Variants in PPP4R2 observed in about 807,000 individuals in gnomAD.
PPP4R2 encodes serine/threonine-protein phosphatase 4 regulatory subunit 2.
A neutral mutation model predicts 47.2 loss-of-function variants in PPP4R2; 13 were observed. That is an observed-to-expected ratio of 0.28 (90% CI 0.18 to 0.44). PPP4R2 has a LOEUF of 0.44. Ranked by LOEUF, PPP4R2 falls within the 20% of genes least tolerant of loss-of-function variation. The probability of loss-of-function intolerance (pLI) is 1.00; values close to 1 mark genes in which losing one functional copy is unlikely to be tolerated. For missense variants in PPP4R2, 421 were observed against 491.2 expected, an observed-to-expected ratio of 0.86 and a Z score of 1.35; for synonymous variants, 151 against 163.3, an observed-to-expected ratio of 0.92 and a Z score of 0.57.
chr3:73,065,584 T>TGAAAC lies in PPP4R2; in HGVS notation c.1116_1117insGAAAC (p.Ser373GlufsTer13). 6.2e-7 allele frequency: 1 copy of TGAAAC among 1,613,702 alleles called. No homozygotes were observed. Among genetic ancestry groups the TGAAAC allele is most frequent in the Non-Finnish European group, 8.5e-7 (1 of 1,179,726 alleles). On this transcript the variant is annotated frameshift_variant, in exon 9 of 9. Coordinates refer to ENST00000356692, the MANE Select transcript of PPP4R2 (RefSeq NM_174907.4). LOFTEE classifies it high-confidence loss of function. ...GTGAAAACGAAGGCCCTGTAAGTAG[T>TGAAAC]AGTTCTTCTGACTGCCGTGAAACAG...
intron 2 of PPP4R2, among the ~76,000 whole-genome samples, chr3:73,037,999 T>G (rs2107291062): frequency 6.6e-6 from 1 of 152,300 alleles, no homozygotes; most frequent in East Asian, 1.9e-4. Context: ...GACCTTCATG[T>G]TAGGGCTGAG....
chr3:73,051,026 T>C (rs1702601669), intron 3 of PPP4R2, among the ~76,000 whole-genome samples: 1 of 152,218 alleles, frequency 6.6e-6, no homozygotes, highest in Admixed American at 6.5e-5. Context: ...GCGATTCTCC[T>C]GCCTCAGCCT....
At chr3:73,046,545 AATTTGAT>A (rs1702491189) in intron 2 of PPP4R2, among the ~76,000 whole-genome samples, 1 of 152,162 alleles carries the variant, frequency 6.6e-6, no homozygotes, top group Admixed American at 6.5e-5. Flanking sequence ...TGTTTATGTT[AATTTGAT>A]AAATGAATAG....
At chr3:73,020,294 C>G (rs1032106553) in intron 2 of PPP4R2, among the ~76,000 whole-genome samples, 1 of 152,040 alleles carries the variant, frequency 6.6e-6, no homozygotes, top group African/African-American at 2.4e-5. Context: ...CTCAAGCAGT[C>G]CTCCTGTCCT....
chr3:73,026,735 A>C (rs1022348000), intron 2 of PPP4R2, among the ~76,000 whole-genome samples: 2 of 152,034 alleles, frequency 1.3e-5, no homozygotes, highest in African/African-American at 4.8e-5. Flanking sequence ...AGCTATCATT[A>C]GTGTTAGTGT....
chr3:73,040,309 T>G (rs1702351514), intron 2 of PPP4R2, among the ~76,000 whole-genome samples: 1 of 152,150 alleles, frequency 6.6e-6, no homozygotes, highest in Admixed American at 6.5e-5. Flanking sequence ...GTATGGTACA[T>G]GGTGTCTGGG....
intron 2 of PPP4R2, among the ~76,000 whole-genome samples, chr3:73,031,406 G>A (rs1010556331): frequency 1.3e-5 from 2 of 152,050 alleles, no homozygotes; most frequent in African/African-American, 2.4e-5. Context: ...AGCTGGACAT[G>A]GTGGCATGCA....
intron 3 of PPP4R2, among the ~76,000 whole-genome samples, chr3:73,053,908 CA>C (rs10631666): frequency 9.6e-4 from 99 of 103,652 alleles, no homozygotes; most frequent in East Asian, 2.4e-3. Context: ...GACACCATCT[CA>C]AAAAAAAAAA....
chr3:73,064,914 A>G lies in PPP4R2; in HGVS notation c.701A>G (p.Asp234Gly), dbSNP rs1702954578. 6.2e-7 allele frequency: 1 copy of G among 1,613,846 alleles called. No individual in the cohort carries two copies. Among genetic ancestry groups the G allele is most frequent in the Non-Finnish European group, 8.5e-7 (1 of 1,179,786 alleles). Residue 234 changes from aspartate (D) to glycine (G), a missense_variant, in exon 8 of 9, where the codon GAT (aspartate) becomes GGT (glycine). Transcript: ENST00000356692. The stretch of plus-strand genomic sequence containing the variant: ...AGCCCTTTGAAAAATAAACATCCAG[A>G]TGAAGATGCTGTGGAAGCTGAGGGG... ...SVSPLKNKHP[D>G]EDAVEAEGHE...
At chr3:73,059,485 G>A (rs1448837946) in intron 4 of PPP4R2, among the ~76,000 whole-genome samples, 2 of 152,164 alleles carry the variant, frequency 1.3e-5, no homozygotes, top group Admixed American at 1.3e-4. Context: ...TCTCAATTCT[G>A]GAGTTCAAAG....
intron 3 of PPP4R2, among the ~76,000 whole-genome samples, chr3:73,054,582 A>G (rs549081173): frequency 1.0e-3 from 153 of 152,314 alleles, no homozygotes; most frequent in African/African-American, 3.4e-3. Context: ...CCACATATAC[A>G]TGGGTAAAAC....
At chr3:73,006,791 T>G (rs1463081586) in intron 2 of PPP4R2, among the ~76,000 whole-genome samples, 1 of 152,218 alleles carries the variant, frequency 6.6e-6, no homozygotes, top group African/African-American at 2.4e-5. Context: ...GCTGCTGTTC[T>G]CAAATTGGTC....
rs1410579518 is a variant in PPP4R2, at chr3:73,064,056, C to G, written c.548C>G (p.Ser183Cys). The stretch of plus-strand genomic sequence containing the variant: ...AGGCCACTTAATCGACCAAAGGTTT[C>G]TTTGTCAGCCCCCATGACAACAAAT... The part of the protein sequence containing the change: ...TPRPLNRPKV[S>C]LSAPMTTNGL... Residue 183 changes from serine (S) to cysteine (C), a missense_variant, in exon 7 of 9, where the codon TCT becomes TGT. This residue lies in a region of PPP4R2 where 317 missense variants were observed against 287.5 expected (regional missense o/e 1.10). Coordinates refer to ENST00000356692, the MANE Select transcript of PPP4R2 (RefSeq NM_174907.4). 1.2e-6 allele frequency: 2 copies of G among 1,613,134 alleles called. No homozygotes were observed. Among genetic ancestry groups the G allele is most frequent in the East Asian group, 2.2e-5 (1 of 44,874 alleles).
intron 7 of PPP4R2, among the ~76,000 whole-genome samples, 163 bp from the exon 8 acceptor site, chr3:73,064,689 T>G (rs1450523522): frequency 6.6e-6 from 1 of 152,228 alleles, no homozygotes; most frequent in African/African-American, 2.4e-5. Flanking sequence ...TCAAACAGTT[T>G]AGTTTACCTT....
At chr3:73,035,467 G>T (rs1702244977) in intron 2 of PPP4R2, among the ~76,000 whole-genome samples, 1 of 152,170 alleles carries the variant, frequency 6.6e-6, no homozygotes, top group Non-Finnish European at 1.5e-5. Context: ...CTAGTACACT[G>T]CTAGTGGAAA....
chr3:73,034,085 G>A (rs1702218584), intron 2 of PPP4R2, among the ~76,000 whole-genome samples: 2 of 152,128 alleles, frequency 1.3e-5, no homozygotes, highest in African/African-American at 4.8e-5. Flanking sequence ...TTTAGAAAAT[G>A]TTTTTGATTT....
At chr3:73,013,673 C>G (rs1050673039) in intron 2 of PPP4R2, among the ~76,000 whole-genome samples, 5 of 149,592 alleles carry the variant, frequency 3.3e-5, no homozygotes, top group Non-Finnish European at 7.4e-5. Flanking sequence ...CAGTCTTGCT[C>G]TGTTGCCTAG....
intron 2 of PPP4R2, among the ~76,000 whole-genome samples, chr3:73,009,041 T>C (rs992952825): frequency 1.4e-4 from 22 of 152,250 alleles, no homozygotes; most frequent in African/African-American, 5.1e-4. Context: ...GTGAGTGTCC[T>C]GTAAGTGGGA....
rs146560305 is a variant in PPP4R2, at chr3:73,058,814, C to CT, written c.288-218dup. Among the ~76,000 whole-genome samples, 649 of 106,140 alleles carry CT rather than the reference C, an allele frequency of 6.1e-3. 6 individuals carry two copies. The highest frequency in any genetic ancestry group is 0.021 in the African/African-American group (607 of 28,478). 69.6% of individuals were successfully genotyped at this position (106,140 alleles called of 152,430 possible). A position where few individuals can be genotyped will look rare whatever the true frequency, so the allele number is the denominator to read the frequency against. ...CCTCCCTCCCCCCCCACCTTTATTG[C>CT]TTTTTAAAGGAAGGGAGAATGGTTT... On this transcript the variant is annotated intron_variant, in intron 3 of 8. Coordinates refer to ENST00000356692, the MANE Select transcript of PPP4R2 (RefSeq NM_174907.4).
Sources: gnomAD v4.1 joint callset for allele counts (sites outside exome capture counted in the v4.1 genomes callset) on GRCh38, gnomAD v4.1.1 for gene constraint, gnomAD v4.1.1 regional missense constraint, MANE v1.5 for transcripts, NCBI Gene and HGNC (gene_info 2026-07-23, HGNC 2026-07-21) for gene names.